PRMT3: variants seen among roughly 807,000 people sequenced by gnomAD.
PRMT3 encodes protein arginine methyltransferase 3.
Under a neutral mutation model 71.9 loss-of-function variants are expected in PRMT3, and 62 were observed. The observed-to-expected ratio is 0.86, with a 90% CI of 0.70 to 1.07. PRMT3 has a LOEUF of 1.07. Ranked by LOEUF, PRMT3 falls within the 50% of genes least tolerant of loss-of-function variation. The pLI, the probability that PRMT3 is intolerant of heterozygous loss-of-function variation, is 0.00. For missense variants in PRMT3, 663 were observed against 643.0 expected (o/e 1.03, Z -0.34); for synonymous variants, 213 against 220.4 (o/e 0.97, Z 0.30).
intron 13 of PRMT3, among the ~76,000 whole-genome samples, chr11:20,490,951 T>C (rs1851191396): frequency 6.6e-6 from 1 of 152,062 alleles, no homozygotes; most frequent in Non-Finnish European, 1.5e-5. Flanking sequence ...ATTTTAAAAC[T>C]TTTTTTTCTC....
intron 11 of PRMT3, among the ~76,000 whole-genome samples, chr11:20,459,303 A>G (rs1850332195): frequency 6.6e-6 from 1 of 152,168 alleles, no homozygotes. Context: ...ATGTCTGTGT[A>G]CTGCACAACT....
intron 15 of PRMT3, among the ~76,000 whole-genome samples, chr11:20,503,463 T>A (rs1851505339): frequency 6.6e-6 from 1 of 152,180 alleles, no homozygotes; most frequent in South Asian, 2.1e-4. Flanking sequence ...TATAGATTAT[T>A]TCCATCACTC....
chr11:20,471,496 A>G (rs1850644086), intron 13 of PRMT3, among the ~76,000 whole-genome samples: 1 of 151,966 alleles, frequency 6.6e-6, no homozygotes, highest in Non-Finnish European at 1.5e-5. Flanking sequence ...TGTTTTTGTC[A>G]GGTTTTTTGA....
At chr11:20,410,176 G>A (rs934618945) in intron 9 of PRMT3, among the ~76,000 whole-genome samples, 11 of 151,862 alleles carry the variant, frequency 7.2e-5, no homozygotes, top group East Asian at 3.8e-4. Context: ...AAAATTCATC[G>A]TTTATAATAT....
chr11:20,404,923 T>C (rs199985772), intron 8 of PRMT3, among the ~76,000 whole-genome samples: 76 of 152,344 alleles, frequency 5.0e-4, no homozygotes, highest in African/African-American at 1.8e-3. Flanking sequence ...GAGGAGCTTG[T>C]TAAGAAAGTA....
At chr11:20,426,896 T>C in intron 10 of PRMT3, 31 bp downstream of exon 10, 1 of 1,499,838 alleles carries the variant, frequency 6.7e-7, no homozygotes, top group Non-Finnish European at 8.8e-7. Context: ...CTACTTTCAC[T>C]GGTAAAATGA....
intron 15 of PRMT3, among the ~76,000 whole-genome samples, chr11:20,500,185 A>G (rs1240870063): frequency 6.6e-6 from 1 of 152,236 alleles, no homozygotes. Flanking sequence ...TTAAAACCTT[A>G]GGAATAAATT....
At chr11:20,404,681 T>G (rs1303990952) in intron 8 of PRMT3, among the ~76,000 whole-genome samples, 1 of 152,190 alleles carries the variant, frequency 6.6e-6, no homozygotes, top group Non-Finnish European at 1.5e-5. Flanking sequence ...TTTTATTTTA[T>G]TTTTTCCTTA....
chr11:20,506,064 G>A (rs1194710242), intron 15 of PRMT3, among the ~76,000 whole-genome samples: 1 of 152,112 alleles, frequency 6.6e-6, no homozygotes, highest in Non-Finnish European at 1.5e-5. Flanking sequence ...ATGACCTTGG[G>A]CAAATTACTT....
chr11:20,435,035 C>G (rs981460584), intron 10 of PRMT3, among the ~76,000 whole-genome samples: 2 of 151,964 alleles, frequency 1.3e-5, no homozygotes, highest in Non-Finnish European at 2.9e-5. Context: ...TTTGTAAAAG[C>G]TATTTAATTT....
chr11:20,483,282 G>A (rs1354036342), intron 13 of PRMT3, among the ~76,000 whole-genome samples: 2 of 151,986 alleles, frequency 1.3e-5, no homozygotes, highest in African/African-American at 4.8e-5. Flanking sequence ...TATCTGTTTT[G>A]TTCAGGTGAA....
At chr11:20,393,303 C>T (rs907494142) in intron 5 of PRMT3, among the ~76,000 whole-genome samples, 17 of 152,010 alleles carry the variant, frequency 1.1e-4, no homozygotes, top group Non-Finnish European at 1.8e-4. Flanking sequence ...AAAAATTAGC[C>T]GGGCATGGTG....
chr11:20,401,590 G>A (rs1465795017), intron 7 of PRMT3, among the ~76,000 whole-genome samples: 1 of 151,906 alleles, frequency 6.6e-6, no homozygotes, highest in African/African-American at 2.4e-5. Flanking sequence ...GGTATGAGTT[G>A]TATAAAATTT....
chr11:20,441,276 T>C (rs1208544520), intron 10 of PRMT3, among the ~76,000 whole-genome samples: 1 of 131,346 alleles, frequency 7.6e-6, no homozygotes, highest in African/African-American at 2.9e-5. Flanking sequence ...TATTTATTTA[T>C]TTATTTATTT....
intron 10 of PRMT3, among the ~76,000 whole-genome samples, chr11:20,431,113 C>T (rs538224519): frequency 3.3e-5 from 5 of 152,190 alleles, no homozygotes; most frequent in Admixed American, 2.0e-4. Flanking sequence ...ACTAAGTCCA[C>T]GAGGCTTAGC....
At chr11:20,461,941 G>C (rs965840537) in intron 11 of PRMT3, 39 bp from the exon 12 acceptor site, 28 of 1,446,244 alleles carry the variant, frequency 1.9e-5, no homozygotes, top group Non-Finnish European at 2.5e-5. Context: ...ATAAGAAAGG[G>C]AGATAATGCT....
At chr11:20,428,505 T>C (rs1849592132) in intron 10 of PRMT3, among the ~76,000 whole-genome samples, 1 of 152,228 alleles carries the variant, frequency 6.6e-6, no homozygotes, top group East Asian at 1.9e-4. Context: ...GATTTTTCAC[T>C]TCCAAATCTG....
chr11:20,446,991 A>G (rs551878127), intron 10 of PRMT3, among the ~76,000 whole-genome samples: 1 of 152,298 alleles, frequency 6.6e-6, no homozygotes, highest in African/African-American at 2.4e-5. Flanking sequence ...TATCACATTT[A>G]TGATAAATTA....
intron 15 of PRMT3, among the ~76,000 whole-genome samples, chr11:20,495,758 G>A (rs1051987259): frequency 6.6e-6 from 1 of 152,082 alleles, no homozygotes; most frequent in Non-Finnish European, 1.5e-5. Flanking sequence ...CTACATATAA[G>A]TCTTCTTGTA....
Sources: gnomAD v4.1 joint callset for allele counts (sites outside exome capture counted in the v4.1 genomes callset) on GRCh38, gnomAD v4.1.1 for gene constraint, MANE v1.5 for transcripts, NCBI Gene and HGNC (gene_info 2026-07-23, HGNC 2026-07-21) for gene names.